SORCS1: variants seen among roughly 807,000 people sequenced by gnomAD.
SORCS1 encodes the protein VPS10 domain-containing receptor SorCS1.
In SORCS1, 60 loss-of-function variants were observed where a neutral mutation model predicts 146.1. That is an observed-to-expected ratio of 0.41 (90% CI 0.33 to 0.51). The LOEUF (loss-of-function observed/expected upper bound fraction) is 0.51. Among genes scored for constraint, SORCS1 ranks in the 20% least tolerant of loss-of-function variants. SORCS1 has a pLI of 0.21. For missense variants in SORCS1, 1,352 were observed against 1,487.6 expected (o/e 0.91, Z 1.50); for synonymous variants, 637 against 584.0 (o/e 1.09, Z -1.31).
At chr10:107,101,657 G>A (rs544307982) in intron 1 of SORCS1, among the ~76,000 whole-genome samples, 11 of 152,142 alleles carry the variant, frequency 7.2e-5, no homozygotes, top group African/African-American at 1.4e-4. Flanking sequence ...CCAATGCACC[G>A]GGGTTGAATA....
At chr10:107,056,591 C>T (rs778733666) in intron 1 of SORCS1, among the ~76,000 whole-genome samples, 1 of 152,208 alleles carries the variant, frequency 6.6e-6, no homozygotes, top group Non-Finnish European at 1.5e-5. Context: ...ATAATTAGCA[C>T]ATAACCATCG....
At chr10:106,631,590 G>A (rs1054515416) in intron 18 of SORCS1, among the ~76,000 whole-genome samples, 4 of 152,200 alleles carry the variant, frequency 2.6e-5, no homozygotes, top group Admixed American at 2.0e-4. Flanking sequence ...AGAGAGGGGG[G>A]AGGACATGAC....
intron 3 of SORCS1, among the ~76,000 whole-genome samples, chr10:106,795,183 CA>C (rs1946496879): frequency 6.6e-6 from 1 of 152,182 alleles, no homozygotes; most frequent in Non-Finnish European, 1.5e-5. Flanking sequence ...GAAAATAAAA[CA>C]GGTTCCTTTG....
At chr10:106,688,878 C>T (rs1169051870) in intron 9 of SORCS1, among the ~76,000 whole-genome samples, 1 of 152,222 alleles carries the variant, frequency 6.6e-6, no homozygotes, top group East Asian at 1.9e-4. Flanking sequence ...AACTCTGCGG[C>T]TTCACAGCTC....
chr10:106,706,883 C>A (rs1006847600), intron 7 of SORCS1, among the ~76,000 whole-genome samples: 2 of 152,162 alleles, frequency 1.3e-5, no homozygotes, highest in South Asian at 2.1e-4. Context: ...GACTCAGATG[C>A]CAGAAAACAT....
chr10:106,804,670 G>A (rs1344546056), intron 3 of SORCS1, among the ~76,000 whole-genome samples: 2 of 152,124 alleles, frequency 1.3e-5, no homozygotes, highest in Non-Finnish European at 2.9e-5. Context: ...TTCAGTAGAA[G>A]ATAAGCTTCA....
intron 1 of SORCS1, among the ~76,000 whole-genome samples, chr10:107,083,129 AAAG>A (rs1963470352): frequency 1.3e-5 from 2 of 151,582 alleles, no homozygotes; most frequent in East Asian, 1.9e-4. Flanking sequence ...AAAAAAAAAA[AAAG>A]AAAGTCAACT....
intron 3 of SORCS1, among the ~76,000 whole-genome samples, chr10:106,791,828 T>C (rs1946335751): frequency 6.6e-6 from 1 of 152,230 alleles, no homozygotes; most frequent in Non-Finnish European, 1.5e-5. Context: ...TCTTTTTATA[T>C]TGTTTTCTAA....
chr10:106,964,589 C>T (rs1388574348), intron 1 of SORCS1, among the ~76,000 whole-genome samples: 5 of 152,086 alleles, frequency 3.3e-5, no homozygotes, highest in Non-Finnish European at 7.4e-5. Flanking sequence ...CGGGTTCAAG[C>T]GATTCTCCTT....
chr10:106,821,291 C>T (rs1948009543), intron 3 of SORCS1, among the ~76,000 whole-genome samples: 1 of 152,008 alleles, frequency 6.6e-6, no homozygotes, highest in African/African-American at 2.4e-5. Flanking sequence ...GGTATCAAAC[C>T]AAAAGATAGA....
At chr10:106,765,077 A>C (rs1359682476) in intron 4 of SORCS1, among the ~76,000 whole-genome samples, 2 of 151,788 alleles carry the variant, frequency 1.3e-5, no homozygotes, top group Admixed American at 6.6e-5. Flanking sequence ...TTTAGCTAAC[A>C]TTAGTATAAA....
intron 1 of SORCS1, among the ~76,000 whole-genome samples, chr10:107,000,062 T>C (rs992643338): frequency 2.0e-5 from 3 of 152,128 alleles, no homozygotes; most frequent in Non-Finnish European, 2.9e-5. Flanking sequence ...TCACCTATGA[T>C]AGGGCAGAAA....
rs144746495 is a variant in SORCS1, at chr10:106,917,452, C to T, written c.626+39061G>A. Reference sequence around the variant, plus strand: ...AGGCTCTATATCTCTTGAGGAAAGACATGATATTTTTGCTTGTTTAGTATC... The same window carrying T: ...AGGCTCTATATCTCTTGAGGAAAGATATGATATTTTTGCTTGTTTAGTATC... On this transcript the variant is annotated intron_variant, in intron 2 of 25. Coordinates refer to ENST00000263054, the MANE Select transcript of SORCS1 (RefSeq NM_052918.5). Among the ~76,000 whole-genome samples the T allele has an allele frequency of 3.1e-3, 466 of 152,284 alleles. 2 individuals carry two copies. Among genetic ancestry groups the T allele is most frequent in the African/African-American group, 0.01 (433 of 41,546 alleles).
chr10:106,969,781 C>T lies in SORCS1; in HGVS notation c.559-13201G>A, dbSNP rs2139186225. ...CCTGGCTTCCTCTCTCCACCTGGAA[C>T]AATCGACACCTCCTCAAACTCCCAG... On this transcript the variant is annotated intron_variant, in intron 1 of 25. Transcript: ENST00000263054. Among the ~76,000 whole-genome samples the T allele has an allele frequency of 1.3e-5, 2 of 152,294 alleles. 1 individual carries two copies. Among genetic ancestry groups the T allele is most frequent in the South Asian group, 4.1e-4 (2 of 4,828 alleles).
At chr10:107,080,363 C>T (rs186948437) in intron 1 of SORCS1, among the ~76,000 whole-genome samples, 1 of 152,246 alleles carries the variant, frequency 6.6e-6, no homozygotes, top group Admixed American at 6.5e-5. Flanking sequence ...AGATTATCTC[C>T]CTTGACCCCA....
At chr10:107,082,409 G>T (rs1449583610) in intron 1 of SORCS1, among the ~76,000 whole-genome samples, 6 of 152,072 alleles carry the variant, frequency 3.9e-5, no homozygotes, top group African/African-American at 1.4e-4. Context: ...CTGTTCAAAG[G>T]TGAAGACTTT....
intron 1 of SORCS1, among the ~76,000 whole-genome samples, chr10:107,101,162 C>G (rs1285215599): frequency 6.6e-6 from 1 of 152,120 alleles, no homozygotes; most frequent in Non-Finnish European, 1.5e-5. Context: ...CGGGCTCAAG[C>G]AATTCTCTGC....
At chr10:106,951,850 T>A (rs1954703066) in intron 2 of SORCS1, among the ~76,000 whole-genome samples, 1 of 152,148 alleles carries the variant, frequency 6.6e-6, no homozygotes, top group African/African-American at 2.4e-5. Flanking sequence ...GCAGGTTTTC[T>A]GAGCATAAAG....
chr10:106,782,598 C>A (rs1175279922), intron 3 of SORCS1, among the ~76,000 whole-genome samples: 2 of 152,174 alleles, frequency 1.3e-5, no homozygotes, highest in African/African-American at 4.8e-5. Context: ...TCAGGAATGA[C>A]AACATATGAG....
Sources: allele counts gnomAD v4.1 joint callset (sites outside exome capture counted in the v4.1 genomes callset), GRCh38; gene constraint gnomAD v4.1.1; transcripts MANE v1.5; gene names NCBI Gene and HGNC (gene_info 2026-07-23, HGNC 2026-07-21).